Variants in TF observed in about 807,000 individuals in gnomAD.
The protein encoded by TF is serotransferrin.
A neutral mutation model predicts 82.4 loss-of-function variants in TF; 55 were observed. The ratio of observed to expected loss-of-function variants is 0.67; its 90% CI spans 0.54 to 0.84. The LOEUF is 0.84. Ranked by LOEUF, TF falls within the 40% of genes least tolerant of loss-of-function variation. The pLI is 0.00. For missense variants in TF, 737 were observed against 868.4 expected, an observed-to-expected ratio of 0.85 and a Z score of 1.90; for synonymous variants, 332 against 332.6, an observed-to-expected ratio of 1.00 and a Z score of 0.02.
intron 6 of TF, 48 bp downstream of exon 6, chr3:133,756,385 T>C (rs1933831189): frequency 6.3e-7 from 1 of 1,584,078 alleles, no homozygotes; most frequent in Admixed American, 1.7e-5. Context: ...GTAGTGGGTG[T>C]TCTTTTTCTG....
chr3:133,740,458 G>A, the TF span, among the ~76,000 whole-genome samples: 2 of 152,076 alleles, frequency 1.3e-5, no homozygotes, highest in South Asian at 4.2e-4. Context: ...AGCCTCCCGA[G>A]TAGGTAGGAC....
At chr3:133,691,215 C>T in the TF span, among the ~76,000 whole-genome samples, 366 of 152,216 alleles carry the variant, frequency 2.4e-3, 1 homozygote, top group African/African-American at 8.4e-3. Flanking sequence ...TGTGAAGTTG[C>T]TTGCTTCTTG....
chr3:133,742,449 G>GGA (rs370552933), upstream of TF, among the ~76,000 whole-genome samples: 15 of 151,524 alleles, frequency 9.9e-5, no homozygotes, highest in East Asian at 1.9e-4. Context: ...GGAAAGAGAA[G>GGA]GAGAGAGAGA....
At position 133,754,429 on chromosome 3, in the gene TF, G is replaced by C. The variant is rs549557016; in HGVS notation, c.326-66G>C. The C allele has an allele frequency of 3.3e-6, 5 of 1,534,020 alleles. No individual in the cohort carries two copies. In the East Asian group the frequency reaches 1.1e-4, roughly 35 times the overall value. ...CGCTCCCCTCCCTCCTCAAGAGTCC[G>C]GTGGTGATGAGCCATGTTTCCCTGC... On this transcript the variant is annotated intron_variant, in intron 3 of 16. Coordinates refer to ENST00000402696, the MANE Select transcript of TF (RefSeq NM_001063.4).
At chr3:133,711,894 C>T in the TF span, among the ~76,000 whole-genome samples, 1 of 152,060 alleles carries the variant, frequency 6.6e-6, no homozygotes, top group Non-Finnish European at 1.5e-5. Flanking sequence ...TCCTGAAGGC[C>T]TCCATGAGGC....
intron 15 of TF, among the ~76,000 whole-genome samples, chr3:133,775,960 C>G (rs2107934669): frequency 6.6e-6 from 1 of 152,234 alleles, no homozygotes; most frequent in East Asian, 1.9e-4. Context: ...AATTCCATTT[C>G]CTATAGGACG....
chr3:133,723,196 C>T, the TF span, among the ~76,000 whole-genome samples: 1 of 152,210 alleles, frequency 6.6e-6, no homozygotes, highest in African/African-American at 2.4e-5. Context: ...TCTCTTGTGG[C>T]TTTTAGAATT....
At chr3:133,697,858 G>T in the TF span, among the ~76,000 whole-genome samples, 2 of 152,234 alleles carry the variant, frequency 1.3e-5, no homozygotes, top group African/African-American at 2.4e-5. Flanking sequence ...CTTTCAGTTT[G>T]AGATTTTATC....
the TF span, among the ~76,000 whole-genome samples, chr3:133,693,175 G>A: frequency 2.6e-5 from 4 of 152,134 alleles, no homozygotes; most frequent in African/African-American, 9.7e-5. Flanking sequence ...ATCCCTAGTC[G>A]CTTGGCTTGA....
At chr3:133,777,967 G>A (rs1250223638) in intron 16 of TF, 2 of 158,700 alleles carry the variant, frequency 1.3e-5, no homozygotes, top group African/African-American at 4.8e-5. Context: ...GCAGATAAGG[G>A]AGTCTTGATC....
chr3:133,776,548 T>TCA (rs1275046750), intron 15 of TF, among the ~76,000 whole-genome samples: 7 of 152,244 alleles, frequency 4.6e-5, no homozygotes, highest in African/African-American at 1.4e-4. Context: ...TTTGCAGTCA[T>TCA]CATTTCACTT....
At chr3:133,685,730 C>A in the TF span, among the ~76,000 whole-genome samples, 768 of 152,270 alleles carry the variant, frequency 5.0e-3, 7 homozygotes, top group African/African-American at 0.018. Context: ...ACATTCATTG[C>A]TCTTGGATAG....
the TF span, among the ~76,000 whole-genome samples, chr3:133,706,247 GAGA>G: frequency 6.6e-6 from 1 of 152,246 alleles, no homozygotes; most frequent in Non-Finnish European, 1.5e-5. Context: ...GACCTCACGA[GAGA>G]AGGAGATTCA....
At chr3:133,763,261 G>C (rs1559873944) in intron 9 of TF, among the ~76,000 whole-genome samples, 1 of 152,032 alleles carries the variant, frequency 6.6e-6, no homozygotes, top group Non-Finnish European at 1.5e-5. Context: ...AAAATGCAAG[G>C]CTATTGATGT....
chr3:133,672,932 T>C, the TF span, among the ~76,000 whole-genome samples: 4 of 152,202 alleles, frequency 2.6e-5, no homozygotes, highest in African/African-American at 9.6e-5. Context: ...TACCCATTCA[T>C]GATTTTTAAA....
At chr3:133,724,543 T>C in the TF span, among the ~76,000 whole-genome samples, 1 of 152,234 alleles carries the variant, frequency 6.6e-6, no homozygotes, top group Non-Finnish European at 1.5e-5. Flanking sequence ...TCATTGTAGA[T>C]TCTGGATATT....
chr3:133,744,154 A>G (rs886800330), upstream of TF, among the ~76,000 whole-genome samples: 1 of 152,198 alleles, frequency 6.6e-6, no homozygotes, highest in Non-Finnish European at 1.5e-5. Context: ...TGCTCTGGAG[A>G]GGACTCAGCC....
the TF span, among the ~76,000 whole-genome samples, chr3:133,686,038 A>G: frequency 6.6e-6 from 1 of 152,254 alleles, no homozygotes; most frequent in South Asian, 2.1e-4. Context: ...CTCAGAAATA[A>G]TACCACACAT....
chr3:133,688,621 A>G, the TF span, among the ~76,000 whole-genome samples: 1 of 152,210 alleles, frequency 6.6e-6, no homozygotes, highest in African/African-American at 2.4e-5. Context: ...ATCTCAGTAA[A>G]ATACCTATGT....
Sources: gnomAD v4.1 joint callset for allele counts (sites outside exome capture counted in the v4.1 genomes callset) on GRCh38, gnomAD v4.1.1 for gene constraint, MANE v1.5 for transcripts, NCBI Gene and HGNC (gene_info 2026-07-23, HGNC 2026-07-21) for gene names.